Variants in LDB2 observed in about 807,000 individuals in gnomAD.
The protein encoded by LDB2 is LIM domain-binding protein 2.
In LDB2, 12 loss-of-function variants were observed where a neutral mutation model predicts 44.3. That is an observed-to-expected ratio of 0.27 (90% CI 0.17 to 0.44). The LOEUF is 0.44. Ranked by LOEUF, LDB2 falls within the 20% of genes least tolerant of loss-of-function variation. The pLI, the probability that LDB2 is intolerant of heterozygous loss-of-function variation, is 1.00. For synonymous variants in LDB2, 164 were observed against 174.8 expected (o/e 0.94, Z 0.49); for missense variants, 344 against 473.5 (o/e 0.73, Z 2.54).
At chr4:16,741,256 C>T (rs1579239525) in intron 2 of LDB2, among the ~76,000 whole-genome samples, 1 of 152,234 alleles carries the variant, frequency 6.6e-6, no homozygotes. Flanking sequence ...CTATCATTTC[C>T]AACTAGTTGT....
chr4:16,682,394 T>C (rs1302976615), intron 2 of LDB2, among the ~76,000 whole-genome samples: 1 of 152,218 alleles, frequency 6.6e-6, no homozygotes, highest in African/African-American at 2.4e-5. Context: ...AGCTGGCTCC[T>C]CCCTCATTTA....
At chr4:16,608,206 CAAAAAA>C (rs71649969) in intron 2 of LDB2, among the ~76,000 whole-genome samples, 12 of 68,484 alleles carry the variant, frequency 1.8e-4, no homozygotes, top group Non-Finnish European at 3.0e-4. Flanking sequence ...CACACTTCTT[CAAAAAA>C]AAAAAAAAAA....
At chr4:16,776,605 C>T (rs1771959363) in intron 1 of LDB2, among the ~76,000 whole-genome samples, 1 of 152,200 alleles carries the variant, frequency 6.6e-6, no homozygotes, top group African/African-American at 2.4e-5. Context: ...AGACACTCTT[C>T]TAGGATTTAG....
At chr4:16,596,800 T>C (rs1027411082) in intron 2 of LDB2, among the ~76,000 whole-genome samples, 2 of 152,206 alleles carry the variant, frequency 1.3e-5, no homozygotes, top group East Asian at 1.9e-4. Flanking sequence ...GCCTTTCTGA[T>C]ACAGGATGCT....
At chr4:16,659,322 C>T (rs376134362) in intron 2 of LDB2, among the ~76,000 whole-genome samples, 4 of 152,114 alleles carry the variant, frequency 2.6e-5, no homozygotes, top group Non-Finnish European at 5.9e-5. Context: ...ATCCCTGGGT[C>T]GGCATCCCCG....
rs982259950 is a variant in LDB2, at chr4:16,784,499, G to A, written c.133-25239C>T. Among the ~76,000 whole-genome samples the A allele has an allele frequency of 5.3e-5, 8 of 152,164 alleles. 1 individual carries two copies. The highest frequency in any genetic ancestry group is 2.0e-4 in the Admixed American group (3 of 15,274). On this transcript the variant is annotated intron_variant, in intron 1 of 7. Transcript: ENST00000304523. ...CCCAAGCATGAGAGTCTCTTGTGAA[G>A]AACCTCAGATATTTTTCCTCTTCCC...
At chr4:16,681,618 C>CTTTTTTTTTTTTT (rs536589787) in intron 2 of LDB2, among the ~76,000 whole-genome samples, 3 of 61,700 alleles carry the variant, frequency 4.9e-5, no homozygotes, top group African/African-American at 1.3e-4. Context: ...GTATTCTATT[C>CTTTTTTTTTTTTT]TTTTTTTTTT....
intron 1 of LDB2, among the ~76,000 whole-genome samples, chr4:16,831,836 T>C (rs1412331054): frequency 6.6e-6 from 1 of 152,132 alleles, no homozygotes; most frequent in Non-Finnish European, 1.5e-5. Context: ...GTGCATCTAG[T>C]GGGAGCTATG....
At chr4:16,842,964 T>C (rs1786176586) in intron 1 of LDB2, among the ~76,000 whole-genome samples, 1 of 152,168 alleles carries the variant, frequency 6.6e-6, no homozygotes, top group Non-Finnish European at 1.5e-5. Flanking sequence ...ACTGTTATTA[T>C]TTTACTTAAA....
chr4:16,567,096 G>GTA (rs542373167), intron 5 of LDB2, among the ~76,000 whole-genome samples: 4 of 152,114 alleles, frequency 2.6e-5, no homozygotes, highest in Non-Finnish European at 5.9e-5. Flanking sequence ...AAATTACAAT[G>GTA]TATATATCTT....
intron 5 of LDB2, among the ~76,000 whole-genome samples, chr4:16,531,359 C>G (rs1730090454): frequency 6.6e-6 from 1 of 152,234 alleles, no homozygotes; most frequent in South Asian, 2.1e-4. Context: ...AAACAGGAAA[C>G]AACAATTTCT....
chr4:16,625,552 T>C (rs1560676084), intron 2 of LDB2, among the ~76,000 whole-genome samples: 1 of 152,152 alleles, frequency 6.6e-6, no homozygotes, highest in East Asian at 1.9e-4. Flanking sequence ...ATAAATGAGT[T>C]ACACCTAAAA....
chr4:16,816,479 G>C (rs924304555), intron 1 of LDB2, among the ~76,000 whole-genome samples: 5 of 141,014 alleles, frequency 3.5e-5, no homozygotes, highest in African/African-American at 1.3e-4. Flanking sequence ...CACGATCTCA[G>C]CTCACTGCAA....
intron 5 of LDB2, among the ~76,000 whole-genome samples, chr4:16,550,907 A>T (rs574703137): frequency 6.6e-6 from 1 of 152,376 alleles, no homozygotes; most frequent in Non-Finnish European, 1.5e-5. Flanking sequence ...TTCCTATAAT[A>T]CAACTCCTTG....
chr4:16,592,521 CAA>C (rs1719489689), intron 3 of LDB2, among the ~76,000 whole-genome samples: 1 of 146,478 alleles, frequency 6.8e-6, no homozygotes, highest in Non-Finnish European at 1.5e-5. Context: ...CACACACACA[CAA>C]ACACACACAT....
chr4:16,879,201 T>A (rs1253354492), intron 1 of LDB2, among the ~76,000 whole-genome samples: 1 of 152,196 alleles, frequency 6.6e-6, no homozygotes, highest in African/African-American at 2.4e-5. Flanking sequence ...CCTATTGCAA[T>A]AAAGTCAGAT....
At chr4:16,554,050 ATTTT>A (rs369728278) in intron 5 of LDB2, among the ~76,000 whole-genome samples, 1 of 140,712 alleles carries the variant, frequency 7.1e-6, no homozygotes, top group South Asian at 2.3e-4. Flanking sequence ...AATGGCCTGA[ATTTT>A]TTTTTTTTTT....
chr4:16,731,074 T>C (rs1159509981), intron 2 of LDB2, among the ~76,000 whole-genome samples: 2 of 152,142 alleles, frequency 1.3e-5, no homozygotes, highest in African/African-American at 4.8e-5. Context: ...CGAACTGCTC[T>C]TGACCACCAA....
At chr4:16,892,434 A>AT (rs1454994628) in intron 1 of LDB2, among the ~76,000 whole-genome samples, 1 of 152,246 alleles carries the variant, frequency 6.6e-6, no homozygotes, top group Admixed American at 6.5e-5. Context: ...GCTCATATTG[A>AT]TTTTTAAAAA....
Sources: allele counts gnomAD v4.1 joint callset (sites outside exome capture counted in the v4.1 genomes callset), GRCh38; gene constraint gnomAD v4.1.1; transcripts MANE v1.5; gene names NCBI Gene and HGNC (gene_info 2026-07-23, HGNC 2026-07-21).